Variants in NBAS observed in about 807,000 individuals in gnomAD.
NBAS encodes the protein NAG/BC035112 fusion.
A neutral mutation model predicts 302.5 loss-of-function variants in NBAS; 219 were observed. The ratio of observed to expected loss-of-function variants is 0.72; its 90% CI spans 0.65 to 0.81. NBAS has a LOEUF of 0.81. Among genes scored for constraint, NBAS ranks in the 30% least tolerant of loss-of-function variants. The pLI is 0.00. For missense variants in NBAS, 2,932 were observed against 2,841.6 expected, an observed-to-expected ratio of 1.03 and a Z score of -0.72; for synonymous variants, 1,118 against 1,021.6, an observed-to-expected ratio of 1.09 and a Z score of -1.80.
intron 48 of NBAS, among the ~76,000 whole-genome samples, chr2:15,190,900 T>C (rs1355881940): frequency 2.0e-5 from 3 of 152,208 alleles, no homozygotes; most frequent in Non-Finnish European, 1.5e-5. Flanking sequence ...TAAATCAAAA[T>C]AGAATAAAAT....
chr2:15,364,985 T>C (rs13409640), intron 32 of NBAS, among the ~76,000 whole-genome samples: 6,249 of 152,294 alleles, frequency 0.041, 444 homozygotes, highest in African/African-American at 0.14. Flanking sequence ...GATACCTTTC[T>C]TAATTCCCCA....
intron 5 of NBAS, among the ~76,000 whole-genome samples, 168 bp downstream of exon 5, chr2:15,553,258 T>A (rs1263122688): frequency 6.6e-6 from 1 of 152,246 alleles, no homozygotes; most frequent in Non-Finnish European, 1.5e-5. Context: ...TGAGAAAGCA[T>A]CCTTAATTTT....
Position 15,232,501 on chromosome 2 carries a change from C to T in NBAS, c.6157G>A (p.Ala2053Thr). 1.4e-5 allele frequency: 22 copies of T among 1,613,546 alleles called. No homozygotes were observed. Among genetic ancestry groups the T allele is most frequent in the Non-Finnish European group, 1.9e-5 (22 of 1,179,840 alleles). The change falls in exon 47 of 52, where the codon GCT becomes ACT. Residue 2053 changes from alanine (A) to threonine (T), a missense_variant. Ala to Thr is a moderately conservative substitution (Grantham distance 58). Coordinates refer to ENST00000281513, the MANE Select transcript of NBAS (RefSeq NM_015909.4). ...KIISALSGGS[A>T]DLGGPRDPLK... is the part of the protein sequence containing the mutation. Reference sequence around the variant, plus strand: ...GGGTCCCTTGGCCCACCAAGGTCAGCACTGCCACCACTGTGAAAAGAGAGA... The same window carrying T: ...GGGTCCCTTGGCCCACCAAGGTCAGTACTGCCACCACTGTGAAAAGAGAGA...
intron 25 of NBAS, among the ~76,000 whole-genome samples, chr2:15,411,953 T>C (rs1322003619): frequency 6.6e-6 from 1 of 152,080 alleles, no homozygotes; most frequent in Non-Finnish European, 1.5e-5. Context: ...CCAAGTTTCT[T>C]CCCAAGTTTC....
chr2:15,523,088 T>C (rs763815226), intron 9 of NBAS, among the ~76,000 whole-genome samples: 30 of 152,214 alleles, frequency 2.0e-4, no homozygotes, highest in Middle Eastern at 3.2e-3. Context: ...TCTTGTCATG[T>C]CATGACTTTT....
At position 15,474,095 on chromosome 2, in the gene NBAS, G is replaced by A. The variant is rs745854119; in HGVS notation, c.1571C>T (p.Thr524Met). ...KNYRLVSLRS[T>M]TPEELYQRKI... ...CCTCTGATAAAGTTCCTCTGGTGTC[G>A]TGGAGCGCAAACTCACAAGGCGGTA... The change falls in exon 15 of 52, where the codon ACG (threonine) becomes ATG (methionine). Residue 524 changes from threonine (T) to methionine (M), a missense_variant. Transcript: ENST00000281513. 1.7e-5 allele frequency: 28 copies of A among 1,614,006 alleles called. No homozygotes were observed. The highest frequency in any genetic ancestry group is 2.4e-5 in the Non-Finnish European group (28 of 1,180,030).
At chr2:14,958,995 C>T in the NBAS span, among the ~76,000 whole-genome samples, 1 of 152,040 alleles carries the variant, frequency 6.6e-6, no homozygotes, top group South Asian at 2.1e-4. Flanking sequence ...TTGGGTGACC[C>T]ACATTTAGGA....
intron 12 of NBAS, among the ~76,000 whole-genome samples, chr2:15,484,422 C>T (rs528338800): frequency 6.6e-6 from 1 of 152,192 alleles, no homozygotes; most frequent in African/African-American, 2.4e-5. Context: ...TCTTTTAGCA[C>T]CATTCCCACC....
chr2:15,334,263 C>G (rs1010846846), intron 35 of NBAS, among the ~76,000 whole-genome samples: 1 of 151,690 alleles, frequency 6.6e-6, no homozygotes, highest in African/African-American at 2.4e-5. Flanking sequence ...AATCTCGGCT[C>G]ACTGCAATCT....
At chr2:15,010,196 G>A in the NBAS span, among the ~76,000 whole-genome samples, 1 of 152,084 alleles carries the variant, frequency 6.6e-6, no homozygotes, top group African/African-American at 2.4e-5. Context: ...AGGAAGAATT[G>A]TCTTCTAACA....
At chr2:15,424,189 A>T in intron 23 of NBAS, 126 bp downstream of exon 23, 110 of 946,654 alleles carry the variant, frequency 1.2e-4, no homozygotes, top group Non-Finnish European at 1.6e-4. Context: ...TAAATATTCA[A>T]TTCATCTCTT....
At chr2:15,471,227 G>T (rs1373195863) in intron 16 of NBAS, among the ~76,000 whole-genome samples, 2 of 151,984 alleles carry the variant, frequency 1.3e-5, no homozygotes, top group African/African-American at 4.8e-5. Flanking sequence ...CACAAAACAA[G>T]AAAGAAAAAT....
chr2:15,540,235 A>G (rs1190271168), intron 6 of NBAS, among the ~76,000 whole-genome samples: 1 of 152,124 alleles, frequency 6.6e-6, no homozygotes, highest in Non-Finnish European at 1.5e-5. Flanking sequence ...TTGAGTCAAG[A>G]GTAGAACAAA....
At chr2:15,079,218 G>C in the NBAS span, among the ~76,000 whole-genome samples, 1 of 151,966 alleles carries the variant, frequency 6.6e-6, no homozygotes, top group Non-Finnish European at 1.5e-5. Context: ...TGAAAAGTAG[G>C]AGTATGAAAT....
the NBAS span, among the ~76,000 whole-genome samples, chr2:14,979,191 G>A: frequency 2.6e-5 from 4 of 152,246 alleles, no homozygotes; most frequent in East Asian, 3.9e-4. Context: ...CCCTGATATT[G>A]CTATCTCCAA....
intron 9 of NBAS, among the ~76,000 whole-genome samples, chr2:15,532,864 T>TA (rs543524636): frequency 0.017 from 2,520 of 150,822 alleles, 38 homozygotes; most frequent in Admixed American, 0.028. Flanking sequence ...CACATCTTGG[T>TA]AAAAAAAAAT....
At chr2:15,270,831 C>T (rs1246052366) in intron 44 of NBAS, among the ~76,000 whole-genome samples, 1 of 152,088 alleles carries the variant, frequency 6.6e-6, no homozygotes, top group Non-Finnish European at 1.5e-5. Flanking sequence ...GAAAATAATA[C>T]CATATATGGC....
chr2:14,791,166 T>C, the NBAS span, among the ~76,000 whole-genome samples: 1 of 152,032 alleles, frequency 6.6e-6, no homozygotes, highest in South Asian at 2.1e-4. Context: ...TAATTTTGTG[T>C]TTTCAGTAGA....
At chr2:15,171,748 A>G (rs370640859) in intron 51 of NBAS, among the ~76,000 whole-genome samples, 49 of 152,326 alleles carry the variant, frequency 3.2e-4, no homozygotes, top group Middle Eastern at 3.4e-3. Flanking sequence ...AGAGGCAATG[A>G]AGGTAAAATG....
Sources: gnomAD v4.1 joint callset for allele counts (sites outside exome capture counted in the v4.1 genomes callset) on GRCh38, gnomAD v4.1.1 for gene constraint, MANE v1.5 for transcripts, NCBI Gene and HGNC (gene_info 2026-07-23, HGNC 2026-07-21) for gene names.